EAPP: variants seen among roughly 807,000 people sequenced by gnomAD.
EAPP encodes the protein E2F associated phosphoprotein, also known as E2F-associated phosphoprotein.
A neutral mutation model predicts 34.3 loss-of-function variants in EAPP; 38 were observed. The observed-to-expected ratio is 1.11, with a 90% CI of 0.85 to 1.45. EAPP has a LOEUF of 1.45. Among genes scored for constraint, EAPP ranks in the 40% most tolerant of loss-of-function variants. The pLI is 0.00. For missense variants in EAPP, 338 were observed against 343.7 expected, an observed-to-expected ratio of 0.98 and a Z score of 0.13; for synonymous variants, 113 against 117.6, an observed-to-expected ratio of 0.96 and a Z score of 0.25.
chr14:34,525,188 C>A (rs1880056269), intron 4 of EAPP, among the ~76,000 whole-genome samples: 2 of 152,282 alleles, frequency 1.3e-5, no homozygotes, highest in Admixed American at 6.5e-5. Context: ...AATCCCCACA[C>A]AGAATTCTAA....
At chr14:34,538,875 C>T (rs952372343) in intron 1 of EAPP, among the ~76,000 whole-genome samples, 1 of 152,170 alleles carries the variant, frequency 6.6e-6, no homozygotes, top group Admixed American at 6.5e-5. Flanking sequence ...TAGAATAAAG[C>T]CCACCCTTCT....
At chr14:34,516,661 G>A in intron 5 of EAPP, 75 bp from the exon 6 acceptor site, 1 of 1,448,964 alleles carries the variant, frequency 6.9e-7, no homozygotes. Flanking sequence ...TAAAATTTGA[G>A]AATACCAAAA....
At chr14:34,533,023 G>A (rs1880347062) in intron 3 of EAPP, among the ~76,000 whole-genome samples, 2 of 148,318 alleles carry the variant, frequency 1.3e-5, no homozygotes, top group African/African-American at 2.5e-5. Flanking sequence ...TCACATCAAT[G>A]GCATCCACTT....
chr14:34,516,472 A>T lies in EAPP; in HGVS notation c.696T>A (p.His232Gln). The change falls in exon 6 of 6, where the codon CAT becomes CAA. Residue 232 changes from histidine (H) to glutamine (Q), a missense_variant. Physicochemically the swap from His to Gln is conservative, Grantham distance 24. Transcript: ENST00000250454. ...CTTCCCGGTTAGACCTCATCTTCTTATGGACCCGCCTTTTCTTCCTGTTCT... is the reference window on the plus strand; with the variant it reads ...CTTCCCGGTTAGACCTCATCTTCTTTTGGACCCGCCTTTTCTTCCTGTTCT... The part of the protein sequence containing the change: ...ASENRKKRRV[H>Q]KKMRSNREDA... 6.2e-7 allele frequency: 1 copy of T among 1,614,086 alleles called. No individual in the cohort carries two copies. The highest frequency in any genetic ancestry group is 8.5e-7 in the Non-Finnish European group (1 of 1,180,036).
chr14:34,517,134 T>C (rs1371776462), intron 5 of EAPP, among the ~76,000 whole-genome samples: 9 of 151,390 alleles, frequency 5.9e-5, no homozygotes, highest in Non-Finnish European at 1.3e-4. Flanking sequence ...GAGATGGGGT[T>C]TCATTGTGTT....
In EAPP at chr14:34,539,555, C is replaced by A. The variant is rs1020232245; in HGVS notation, c.74G>T (p.Ser25Ile). 19 of 1,604,932 alleles carry A rather than the reference C, an allele frequency of 1.2e-5. No homozygotes were observed. Among genetic ancestry groups the A allele is most frequent in the Non-Finnish European group, 1.6e-5 (19 of 1,177,898 alleles). Residue 25 changes from serine to isoleucine, a missense_variant and splice_region_variant, in exon 1 of 6, where the codon AGC (serine) becomes ATC (isoleucine). Physicochemically the swap from Ser to Ile is moderately radical, Grantham distance 142. Coordinates refer to ENST00000250454, the MANE Select transcript of EAPP (RefSeq NM_018453.4). ...EPSDEEPALS[S>I]SEDEVDVLLH... ...GGGCCAGGGTGGGGCGGGAGCCCACCTGCTCAAAGCCGGCTCCTCGTCGCT... is the reference window on the plus strand; with the variant it reads ...GGGCCAGGGTGGGGCGGGAGCCCACATGCTCAAAGCCGGCTCCTCGTCGCT...
At chr14:34,539,146 C>T (rs998309922) in intron 1 of EAPP, 4 of 324,026 alleles carry the variant, frequency 1.2e-5, no homozygotes, top group South Asian at 7.9e-5. Flanking sequence ...CACATTAAGT[C>T]CTGTGAGCCT....
Position 34,516,219 on chromosome 14 carries a change from G to T in EAPP, c.*91C>A. 1 of 1,221,540 alleles carries T rather than the reference G, an allele frequency of 8.2e-7. No homozygotes were observed. The highest frequency in any genetic ancestry group is 1.1e-6 in the Non-Finnish European group (1 of 882,168). 75.7% of individuals were successfully genotyped at this position (1,221,540 alleles called of 1,614,324 possible). A position where few individuals can be genotyped will look rare whatever the true frequency, so the allele number is the denominator to read the frequency against. ...AAAAGAGAAACACTGCTTCCTCAAT[G>T]TCACTGAAGGATATGAACAGGCAAG... On this transcript the variant is annotated 3_prime_UTR_variant, in exon 6 of 6. Coordinates refer to ENST00000250454, the MANE Select transcript of EAPP (RefSeq NM_018453.4).
chr14:34,533,848 T>TA (rs1230939942), intron 2 of EAPP, among the ~76,000 whole-genome samples: 1 of 152,122 alleles, frequency 6.6e-6, no homozygotes, highest in East Asian at 1.9e-4. Flanking sequence ...AGTCATACAG[T>TA]ATACCATGCA....
chr14:34,533,076 C>A (rs1019270137), intron 3 of EAPP, among the ~76,000 whole-genome samples: 1 of 151,982 alleles, frequency 6.6e-6, no homozygotes, highest in Non-Finnish European at 1.5e-5. Flanking sequence ...ACTCTGTCGC[C>A]CAGGCTGGAG....
In EAPP at chr14:34,524,651, A is replaced by ATGTGTGTGTGTGTG. The variant is rs769159699; in HGVS notation, c.581+45_581+46insCACACACACACACA. ...AAAGTCTGTTTCTAATTTAAACAAA[A>ATGTGTGTGTGTGTG]TATGTATGTGTGTGTGTGTGTGTGT... On this transcript the variant is annotated intron_variant, in intron 5 of 5. Transcript: ENST00000250454. 7 of 999,016 alleles carry ATGTGTGTGTGTGTG rather than the reference A, an allele frequency of 7.0e-6. No individual in the cohort carries two copies. In the African/African-American group the frequency reaches 1.3e-4, roughly 18 times the overall value. 61.9% of individuals were successfully genotyped at this position (999,016 alleles called of 1,614,324 possible).
rs1011464565 is a variant in EAPP, at chr14:34,524,702, G to C, written c.576C>G (p.Cys192Trp). Residue 192 changes from cysteine to tryptophan, a missense_variant, in exon 5 of 6, where the codon TGC becomes TGG. Physicochemically the swap from Cys to Trp is radical, Grantham distance 215. Coordinates refer to ENST00000250454, the MANE Select transcript of EAPP (RefSeq NM_018453.4). Reference sequence around the variant, plus strand: ...GTGTGTCCTTCATCCATTACCTTTGGCAATCAAGGCAAAGTGTGGTCATGC... The same window carrying C: ...GTGTGTCCTTCATCCATTACCTTTGCCAATCAAGGCAAAGTGTGGTCATGC... ...PACMTTLCLDCQRHESYKTQY... is the reference protein window; with the variant it reads ...PACMTTLCLDWQRHESYKTQY... 7.5e-7 allele frequency: 1 copy of C among 1,334,970 alleles called. No homozygotes were observed. The highest frequency in any genetic ancestry group is 1.5e-5 in the African/African-American group (1 of 64,878). 82.7% of individuals were successfully genotyped at this position (1,334,970 alleles called of 1,614,324 possible).
At position 34,524,782 on chromosome 14, in the gene EAPP, A is replaced by T; in HGVS notation, c.496T>A (p.Ser166Thr). ...TTTGGAACAGGCTGTTGTTGACGTG[A>T]TCTCTGTGGTCCCAAACCATGGTAA... ...RGYHGLGPQR[S>T]RQQQPVPNSD... is the part of the protein sequence containing the mutation. The change falls in exon 5 of 6, where the codon TCA (serine) becomes ACA (threonine). Residue 166 changes from serine to threonine, a missense_variant. Ser to Thr is a moderately conservative substitution (Grantham distance 58). Transcript: ENST00000250454. 2 of 1,613,460 alleles carry T rather than the reference A, an allele frequency of 1.2e-6. No individual in the cohort carries two copies. The highest frequency in any genetic ancestry group is 1.7e-6 in the Non-Finnish European group (2 of 1,179,888).
intron 4 of EAPP, among the ~76,000 whole-genome samples, chr14:34,525,976 C>T (rs1283977586): frequency 4.6e-5 from 7 of 151,774 alleles, no homozygotes; most frequent in Middle Eastern, 6.8e-3. Flanking sequence ...GCCGAGATCA[C>T]GCCACTGCAC....
rs762693121 is a variant in EAPP, at chr14:34,533,435, G to T, written c.352+9C>A. Reference sequence around the variant, plus strand: ...TATAACTGCTAAACCTGGTAAATAGGTTACTTACCTGCTCTGTCTTCATCC... The same window carrying T: ...TATAACTGCTAAACCTGGTAAATAGTTTACTTACCTGCTCTGTCTTCATCC... On this transcript the variant is annotated intron_variant, in intron 3 of 5. Coordinates refer to ENST00000250454, the MANE Select transcript of EAPP (RefSeq NM_018453.4). 1 of 1,581,906 alleles carries T rather than the reference G, an allele frequency of 6.3e-7. No homozygotes were observed. Among genetic ancestry groups the T allele is most frequent in the Non-Finnish European group, 8.7e-7 (1 of 1,151,298 alleles).
intron 4 of EAPP, among the ~76,000 whole-genome samples, chr14:34,528,779 G>T (rs1391246012): frequency 6.6e-6 from 1 of 151,662 alleles, no homozygotes; most frequent in Non-Finnish European, 1.5e-5. Flanking sequence ...AAAAAAGTCA[G>T]TTTTTCTTGA....
intron 5 of EAPP, among the ~76,000 whole-genome samples, chr14:34,523,507 G>C (rs1029201319): frequency 6.8e-6 from 1 of 147,056 alleles, no homozygotes; most frequent in Non-Finnish European, 1.5e-5. Flanking sequence ...TTACAGGCGT[G>C]AGCCACCACG....
rs1180287446 is a variant in EAPP, at chr14:34,529,353, C to G, written c.470+5G>C. On this transcript the variant is annotated splice_donor_5th_base_variant and intron_variant, in intron 4 of 5. Transcript: ENST00000250454. ...AGATTCTAAATATTAACTTTAAGTT[C>G]TTACCCCCTTCTCTGTGCATCAACC... 5.8e-6 allele frequency: 9 copies of G among 1,550,196 alleles called. No homozygotes were observed. Among genetic ancestry groups the G allele is most frequent in the Non-Finnish European group, 8.0e-6 (9 of 1,128,858 alleles).
intron 4 of EAPP, among the ~76,000 whole-genome samples, chr14:34,525,634 T>C (rs959652638): frequency 1.3e-5 from 2 of 151,946 alleles, no homozygotes; most frequent in African/African-American, 4.8e-5. Context: ...CAACTAAAAG[T>C]GATGTACTAT....
Sources: allele counts gnomAD v4.1 joint callset (sites outside exome capture counted in the v4.1 genomes callset), GRCh38; gene constraint gnomAD v4.1.1; transcripts MANE v1.5; gene names NCBI Gene and HGNC (gene_info 2026-07-23, HGNC 2026-07-21).